The following CEP85 variants were observed in gnomAD, a reference collection of about 807,000 sequenced individuals.
CEP85 encodes the protein centrosomal protein of 85 kDa.
Under a neutral mutation model 93.7 loss-of-function variants are expected in CEP85, and 58 were observed. The ratio of observed to expected loss-of-function variants is 0.62; its 90% CI spans 0.50 to 0.77. The LOEUF is 0.77. CEP85 is among the 30% of genes least tolerant of loss of function. CEP85 has a pLI of 0.00. For missense variants in CEP85, 868 were observed against 922.0 expected, an observed-to-expected ratio of 0.94 and a Z score of 0.76; for synonymous variants, 314 against 338.6, an observed-to-expected ratio of 0.93 and a Z score of 0.80.
intron 7 of CEP85, among the ~76,000 whole-genome samples, chr1:26,266,082 A>G (rs7552105): frequency 0.88 from 133,264 of 151,940 alleles, 59,400 homozygotes; most frequent in Non-Finnish European, 0.93. Context: ...GGTGGTGGAC[A>G]CCTGTAACCC....
At chr1:26,274,428 G>A (rs890910248) in intron 11 of CEP85, among the ~76,000 whole-genome samples, 5 of 152,200 alleles carry the variant, frequency 3.3e-5, no homozygotes, top group African/African-American at 4.8e-5. Context: ...TGAGTGGAGC[G>A]AAGGATCATG....
At chr1:26,247,208 G>A (rs768431210) in intron 3 of CEP85, among the ~76,000 whole-genome samples, 10 of 152,188 alleles carry the variant, frequency 6.6e-5, no homozygotes, top group Non-Finnish European at 1.3e-4. Context: ...TCGGAAGCTG[G>A]TGGAAACAGC....
chr1:26,269,359 A>G (rs369836498), intron 8 of CEP85, 101 bp from the exon 9 acceptor site: 2 of 1,197,148 alleles, frequency 1.7e-6, no homozygotes, highest in East Asian at 4.7e-5. Flanking sequence ...AGGAAATTAA[A>G]TATAGGTTTG....
At chr1:26,257,349 T>C (rs752264063) in intron 4 of CEP85, among the ~76,000 whole-genome samples, 1 of 152,252 alleles carries the variant, frequency 6.6e-6, no homozygotes, top group African/African-American at 2.4e-5. Flanking sequence ...TGTTGCTAGA[T>C]AATAAAAGAT....
chr1:26,269,790 T>TTTTC (rs2089946749), intron 9 of CEP85, among the ~76,000 whole-genome samples, 176 bp downstream of exon 9: 1 of 135,420 alleles, frequency 7.4e-6, no homozygotes, highest in African/African-American at 2.8e-5. Flanking sequence ...GGCTTTTTTT[T>TTTTC]TTTTTTTTTT....
intron 5 of CEP85, 149 bp downstream of exon 5, chr1:26,257,879 G>T: frequency 8.0e-6 from 7 of 879,198 alleles, no homozygotes; most frequent in Non-Finnish European, 1.1e-5. Flanking sequence ...AAGCAGCCTA[G>T]TCGTGTATAT....
intron 4 of CEP85, among the ~76,000 whole-genome samples, chr1:26,256,109 C>T (rs545339535): frequency 2.6e-5 from 4 of 152,248 alleles, no homozygotes; most frequent in East Asian, 3.9e-4. Flanking sequence ...CGTATTTATA[C>T]GTCACTAGGC....
Position 26,266,591 on chromosome 1 carries a change from A to G in CEP85, c.1342-1892A>G, listed in dbSNP as rs529356990. Reference sequence around the variant, plus strand: ...AAAATCACTGGTTCAGAAATTTAAGAGTACAGATTGGACCTAGGATAAGCT... The same window carrying G: ...AAAATCACTGGTTCAGAAATTTAAGGGTACAGATTGGACCTAGGATAAGCT... On this transcript the variant is annotated intron_variant, in intron 7 of 13. Transcript: ENST00000451429. 3.3e-5 allele frequency among the ~76,000 whole-genome samples: 5 copies of G among 152,378 alleles called. No homozygotes were observed. In the South Asian group the frequency reaches 8.3e-4, roughly 25 times the overall value.
In CEP85 at chr1:26,244,260, A is replaced by G. The variant is rs1338276187; in HGVS notation, c.150A>G (p.Ser50=). ...TTCGGAGCCGCTTCAGCCGCTGTTC[A>G]AGTGTAGCCGACAGTGGGGACACAG... ...EPFRSRFSRC[S]SVADSGDTAI... is the part of the protein sequence containing the mutation. Residue 50 remains serine (S), a synonymous_variant, in exon 3 of 14, where the codon TCA becomes TCG. Transcript: ENST00000451429. 1 of 1,614,054 alleles carries G rather than the reference A, an allele frequency of 6.2e-7. No homozygotes were observed. The highest frequency in any genetic ancestry group is 1.3e-5 in the African/African-American group (1 of 75,022).
intron 6 of CEP85, among the ~76,000 whole-genome samples, chr1:26,258,690 G>A (rs924036458): frequency 9.9e-5 from 15 of 151,974 alleles, no homozygotes; most frequent in African/African-American, 9.7e-5. Flanking sequence ...TCCGCCTCCC[G>A]GGTTCAAGCA....
At chr1:26,255,028 C>G in intron 3 of CEP85, 143 bp from the exon 4 acceptor site, 1 of 703,066 alleles carries the variant, frequency 1.4e-6, no homozygotes, top group South Asian at 1.8e-5. Context: ...AGTTTGGTTG[C>G]CGTTTCTTTC....
intron 1 of CEP85, 136 bp downstream of exon 1, chr1:26,234,446 T>C (rs912339599): frequency 6.6e-6 from 1 of 152,144 alleles, no homozygotes; most frequent in Non-Finnish European, 1.5e-5. Flanking sequence ...GCGCCTCGGC[T>C]CCGAAGCCAG....
rs1235426186 is a variant in CEP85 at position 26,255,381 on chromosome 1, A to G, written c.419A>G (p.His140Arg). ...TRNGDLGAMKHSPGLSRDLMY... is the reference protein window; with the variant it reads ...TRNGDLGAMKRSPGLSRDLMY... ...AATGGAGACCTCGGTGCAATGAAAC[A>G]TTCTCCAGGCCTATCTAGAGATCTC... is the stretch of plus-strand genomic sequence containing the variant. Residue 140 changes from histidine to arginine, a missense_variant, in exon 4 of 14, where the codon CAT becomes CGT. By Grantham distance (29) the His-to-Arg change is conservative. Transcript: ENST00000451429. The G allele has an allele frequency of 6.2e-7, 1 of 1,613,946 alleles. No individual in the cohort carries two copies. Among genetic ancestry groups the G allele is most frequent in the African/African-American group, 1.3e-5 (1 of 74,874 alleles).
At chr1:26,256,928 G>GGTGTGTGTGTGTGTGTGTGTGTGTGTGT (rs71004573) in intron 4 of CEP85, among the ~76,000 whole-genome samples, 6 of 111,404 alleles carry the variant, frequency 5.4e-5, no homozygotes, top group South Asian at 2.8e-4. Context: ...GTTTTGTTTT[G>GGTGTGTGTGTGTGTGTGTGTGTGTGTGT]GTGTGTGTGT....
intron 3 of CEP85, among the ~76,000 whole-genome samples, chr1:26,253,946 G>C (rs1465665462): frequency 6.6e-6 from 1 of 151,904 alleles, no homozygotes; most frequent in Non-Finnish European, 1.5e-5. Flanking sequence ...AGTGAACTGT[G>C]ATCACGCCAC....
At chr1:26,251,858 T>C (rs2089622507) in intron 3 of CEP85, among the ~76,000 whole-genome samples, 2 of 152,170 alleles carry the variant, frequency 1.3e-5, no homozygotes, top group Non-Finnish European at 2.9e-5. Context: ...CCTCACAGTC[T>C]TCTGTTTTGT....
intron 2 of CEP85, among the ~76,000 whole-genome samples, chr1:26,241,652 C>T (rs964755434): frequency 6.6e-6 from 1 of 152,112 alleles, no homozygotes; most frequent in Non-Finnish European, 1.5e-5. Context: ...AATGCCTTTC[C>T]TATGGCTTTT....
intron 4 of CEP85, among the ~76,000 whole-genome samples, chr1:26,257,292 T>C (rs1025120572): frequency 6.6e-6 from 1 of 152,180 alleles, no homozygotes; most frequent in Non-Finnish European, 1.5e-5. Flanking sequence ...AGCAGACATA[T>C]TCCCCTTCCT....
chr1:26,252,843 G>T (rs548336212), intron 3 of CEP85, among the ~76,000 whole-genome samples: 1 of 152,240 alleles, frequency 6.6e-6, no homozygotes, highest in African/African-American at 2.4e-5. Flanking sequence ...TTTTTTTAAA[G>T]TATTTATTCC....
Sources: allele counts gnomAD v4.1 joint callset (sites outside exome capture counted in the v4.1 genomes callset), GRCh38; gene constraint gnomAD v4.1.1; transcripts MANE v1.5; gene names NCBI Gene and HGNC (gene_info 2026-07-23, HGNC 2026-07-21).